GRID1: variants seen among roughly 807,000 people sequenced by gnomAD.
GRID1 encodes the protein glutamate receptor ionotropic, delta-1.
In GRID1, 28 loss-of-function variants were observed where a neutral mutation model predicts 98.0. The ratio of observed to expected loss-of-function variants is 0.29; its 90% CI spans 0.21 to 0.39. The LOEUF is 0.39. GRID1 is among the 10% of genes least tolerant of loss of function. The pLI, the probability that GRID1 is intolerant of heterozygous loss-of-function variation, is 1.00. For missense variants in GRID1, 1,111 were observed against 1,340.5 expected, an observed-to-expected ratio of 0.83 and a Z score of 2.67; for synonymous variants, 553 against 538.5, an observed-to-expected ratio of 1.03 and a Z score of -0.37.
At chr10:86,088,003 G>A (rs547241860) in intron 4 of GRID1, among the ~76,000 whole-genome samples, 34 of 152,312 alleles carry the variant, frequency 2.2e-4, no homozygotes, top group African/African-American at 7.5e-4. Flanking sequence ...AACACTGGCC[G>A]CCTCTGTCCT....
chr10:86,195,350 T>G lies in GRID1; in HGVS notation c.520+11014A>C, dbSNP rs1408484391. On this transcript the variant is annotated intron_variant, in intron 3 of 15. Coordinates refer to ENST00000327946, the MANE Select transcript of GRID1 (RefSeq NM_017551.3). This position sits in a 1 kb window ranked among gnomAD's most constrained non-coding sequence, Gnocchi z 4.4. ...ATTCTTTGCAGTGCTGAGGGGGGCCTGGTCCCTCTGCTTCCTCCCACCCTG... is the reference window on the plus strand; with the variant it reads ...ATTCTTTGCAGTGCTGAGGGGGGCCGGGTCCCTCTGCTTCCTCCCACCCTG... Among the ~76,000 whole-genome samples, 1 of 152,088 alleles carries G rather than the reference T, an allele frequency of 6.6e-6. No individual in the cohort carries two copies.
chr10:86,013,705 G>A (rs190224655), intron 4 of GRID1, among the ~76,000 whole-genome samples: 139 of 152,270 alleles, frequency 9.1e-4, no homozygotes, highest in Non-Finnish European at 1.4e-3. Context: ...GAATTTGACC[G>A]TCTGACCAGT....
At chr10:86,312,943 A>G (rs899047154) in intron 2 of GRID1, among the ~76,000 whole-genome samples, 1 of 152,250 alleles carries the variant, frequency 6.6e-6, no homozygotes, top group African/African-American at 2.4e-5. Context: ...GCACGCCTCA[A>G]GGATGCCTAG....
intron 4 of GRID1, among the ~76,000 whole-genome samples, chr10:85,950,797 G>A (rs1178776500): frequency 6.6e-6 from 1 of 152,186 alleles, no homozygotes; most frequent in African/African-American, 2.4e-5. Context: ...TCCTGGTACA[G>A]CTTCAGAGTC....
intron 12 of GRID1, among the ~76,000 whole-genome samples, chr10:85,709,893 C>T (rs1038743707): frequency 1.1e-4 from 17 of 151,592 alleles, no homozygotes; most frequent in African/African-American, 4.1e-4. Context: ...CCACATGTAA[C>T]CCAAATGTCA....
At chr10:85,680,748 T>C (rs770960176) in intron 12 of GRID1, among the ~76,000 whole-genome samples, 2 of 152,208 alleles carry the variant, frequency 1.3e-5, no homozygotes, top group African/African-American at 2.4e-5. Context: ...AACACGGGCA[T>C]TATCTTTGAC....
chr10:86,228,314 G>A (rs1391510062), intron 2 of GRID1, among the ~76,000 whole-genome samples: 2 of 146,480 alleles, frequency 1.4e-5, no homozygotes, highest in Non-Finnish European at 3.0e-5. Context: ...GGGAGGGGGT[G>A]GGTGGGGTGA....
chr10:85,880,103 C>A (rs900927920), intron 5 of GRID1, among the ~76,000 whole-genome samples: 4 of 152,186 alleles, frequency 2.6e-5, no homozygotes, highest in African/African-American at 9.6e-5. Flanking sequence ...AGACCAATAA[C>A]AGGCTCTGAA....
chr10:86,006,447 C>T (rs1423647548), intron 4 of GRID1, among the ~76,000 whole-genome samples: 2 of 152,064 alleles, frequency 1.3e-5, no homozygotes, highest in Non-Finnish European at 2.9e-5. Flanking sequence ...GGTGAAACCC[C>T]GTCTCTACTA....
intron 4 of GRID1, among the ~76,000 whole-genome samples, chr10:85,931,431 T>C (rs972801348): frequency 2.0e-5 from 3 of 152,242 alleles, no homozygotes; most frequent in Non-Finnish European, 4.4e-5. Context: ...GAATTTCTAC[T>C]AGAATATTAA....
chr10:85,922,286 C>T (rs1186900800), intron 4 of GRID1, among the ~76,000 whole-genome samples: 2 of 152,194 alleles, frequency 1.3e-5, no homozygotes, highest in African/African-American at 4.8e-5. Context: ...ACCATTATTC[C>T]ACTTGCATTT....
chr10:86,333,226 A>G (rs1472876715), intron 2 of GRID1, among the ~76,000 whole-genome samples: 1 of 152,124 alleles, frequency 6.6e-6, no homozygotes, highest in African/African-American at 2.4e-5. Context: ...CTTATCTCTC[A>G]TCTTAGGCAA....
intron 3 of GRID1, among the ~76,000 whole-genome samples, chr10:86,160,761 C>T (rs996088625): frequency 6.6e-6 from 1 of 152,232 alleles, no homozygotes; most frequent in Non-Finnish European, 1.5e-5. Context: ...CCCATTTTTA[C>T]AGATCAGTAG....
chr10:86,350,195 C>T (rs796514512), intron 2 of GRID1, among the ~76,000 whole-genome samples: 3 of 152,318 alleles, frequency 2.0e-5, no homozygotes, highest in Admixed American at 6.5e-5. Flanking sequence ...GCGGCTAAGA[C>T]ACAGGTAAGT....
At chr10:85,679,648 CTGTTAGACT>C (rs1281396907) in intron 12 of GRID1, among the ~76,000 whole-genome samples, 2 of 152,168 alleles carry the variant, frequency 1.3e-5, no homozygotes, top group Non-Finnish European at 2.9e-5. Context: ...GAGCCCTGGT[CTGTTAGACT>C]AAATGTCTTA....
At chr10:86,162,260 C>A (rs1845333836) in intron 3 of GRID1, among the ~76,000 whole-genome samples, 1 of 152,026 alleles carries the variant, frequency 6.6e-6, no homozygotes, top group Non-Finnish European at 1.5e-5. Flanking sequence ...GCAGCCATCA[C>A]AAGGAGGGAA....
chr10:86,223,947 C>A (rs1846300096), intron 2 of GRID1, among the ~76,000 whole-genome samples: 1 of 152,092 alleles, frequency 6.6e-6, no homozygotes, highest in South Asian at 2.1e-4. Flanking sequence ...AGATGATAGA[C>A]CAAGGACCAG....
At chr10:86,087,746 G>C (rs1438602445) in intron 4 of GRID1, among the ~76,000 whole-genome samples, 1 of 152,144 alleles carries the variant, frequency 6.6e-6, no homozygotes, top group African/African-American at 2.4e-5. Flanking sequence ...GATAGCACAA[G>C]GGAGAAGCTC....
At chr10:86,048,960 A>G (rs1843462909) in intron 4 of GRID1, among the ~76,000 whole-genome samples, 1 of 152,170 alleles carries the variant, frequency 6.6e-6, no homozygotes, top group South Asian at 2.1e-4. Flanking sequence ...AAGAACTGAA[A>G]CCAGAAAGAG....
Sources: allele counts gnomAD v4.1 joint callset (sites outside exome capture counted in the v4.1 genomes callset), GRCh38; gene constraint gnomAD v4.1.1; non-coding constraint Gnocchi (gnomAD v3.1); transcripts MANE v1.5; gene names NCBI Gene and HGNC (gene_info 2026-07-23, HGNC 2026-07-21).